The following NDRG4 variants were observed in gnomAD, a reference collection of about 807,000 sequenced individuals.
NDRG4 encodes NDRG family member 4.
NDRG4 carries 38 observed loss-of-function variants against 55.8 expected under a neutral mutation model. The observed-to-expected ratio is 0.68, with a 90% CI of 0.53 to 0.89. NDRG4 has a LOEUF of 0.89. Among genes scored for constraint, NDRG4 ranks in the 40% least tolerant of loss-of-function variants. NDRG4 has a pLI of 0.00. For missense variants in NDRG4, 455 were observed against 468.6 expected (o/e 0.97, Z 0.27); for synonymous variants, 190 against 182.7 (o/e 1.04, Z -0.32).
At chr16:58,474,606 T>A (rs1209218978) in intron 1 of NDRG4, among the ~76,000 whole-genome samples, 1 of 152,180 alleles carries the variant, frequency 6.6e-6, no homozygotes, top group Non-Finnish European at 1.5e-5. Context: ...GTGAATTTAC[T>A]TAGGTTTGTT....
At chr16:58,471,771 G>A (rs929332782) in intron 1 of NDRG4, among the ~76,000 whole-genome samples, 1 of 152,192 alleles carries the variant, frequency 6.6e-6, no homozygotes, top group Non-Finnish European at 1.5e-5. Context: ...TCGGGCAGGT[G>A]CTGTGTGCCT....
intron 1 of NDRG4, chr16:58,500,821 G>A (rs2036983300): frequency 4.7e-6 from 2 of 425,982 alleles, no homozygotes; most frequent in East Asian, 3.6e-5. Flanking sequence ...GTGATGGGAA[G>A]GACAGGCGGC....
At chr16:58,486,713 ACACACACACACACAC>A (rs2035125500) in intron 1 of NDRG4, among the ~76,000 whole-genome samples, 1 of 111,816 alleles carries the variant, frequency 8.9e-6, no homozygotes, top group Non-Finnish European at 2.1e-5. Context: ...ACACACACAC[ACACACACACACACAC>A]ACACACACAC....
Position 58,507,987 on chromosome 16 carries a change from T to G in NDRG4, c.717T>G (p.Ala239=), listed in dbSNP as rs371652375. 3.8e-6 allele frequency: 6 copies of G among 1,577,464 alleles called. No homozygotes were observed. The African/African-American group carries it at 5.4e-5, about 14-fold the overall frequency. ...TGGTGGTTGGGGATAATGCACCCGC[T>G]GAGGACGGGGTGGTAAGTGAGGGGC... ...VMLVVGDNAP[A]EDGVVECNSK... is the part of the protein sequence containing the mutation. Residue 239 remains alanine, a synonymous_variant, in exon 10 of 15, where the codon GCT becomes GCG. Coordinates refer to ENST00000570248, the MANE Select transcript of NDRG4 (RefSeq NM_001242835.2).
intron 1 of NDRG4, among the ~76,000 whole-genome samples, chr16:58,479,774 T>G (rs1191812528): frequency 6.6e-6 from 1 of 152,228 alleles, no homozygotes; most frequent in East Asian, 1.9e-4. Context: ...TCTTGTCCCC[T>G]AGGAGTGTCT....
chr16:58,500,312 G>A (rs1413695408), intron 1 of NDRG4, 43 bp downstream of exon 1: 1 of 1,533,492 alleles, frequency 6.5e-7, no homozygotes, highest in Non-Finnish European at 8.7e-7. Flanking sequence ...CCGGGAGGAT[G>A]GTGCATCCTT....
chr16:58,510,523 T>G, intron 13 of NDRG4, 122 bp from the exon 14 acceptor site: 1 of 830,144 alleles, frequency 1.2e-6, no homozygotes, highest in Non-Finnish European at 2.0e-6. Context: ...AGCCTCTCTG[T>G]GCCTGTCCTT....
rs2031140283 is a variant in NDRG4 at position 58,464,321 on chromosome 16, C to G, written c.-24+524C>G. ...TGTGAGCTGCTCCTGCCGCTTCGCT[C>G]CGCGCTCTCCTGCCGCTCCGCTCCG... On this transcript the variant is annotated intron_variant, in intron 1 of 15. Transcript: ENST00000258187. The surrounding 1 kb of genome is among the most constrained non-coding windows in gnomAD (Gnocchi z 4.8). The G allele has an allele frequency of 1.0e-6, 1 of 989,272 alleles. No homozygotes were observed. 61.3% of individuals were successfully genotyped at this position (989,272 alleles called of 1,614,324 possible). A position where few individuals can be genotyped will look rare whatever the true frequency, so the allele number is the denominator to read the frequency against.
chr16:58,493,431 G>C lies in NDRG4; in HGVS notation c.73-1533G>C, dbSNP rs566086882. 1.4e-4 allele frequency among the ~76,000 whole-genome samples: 22 copies of C among 152,308 alleles called. 1 individual carries two copies. Among genetic ancestry groups the C allele is most frequent in the Non-Finnish European group, 2.8e-4 (19 of 68,040 alleles). On this transcript the variant is annotated intron_variant, in intron 2 of 15. Transcript: ENST00000258187. ...TTACAGGCATGTGCCACCACACCCA[G>C]CTAATTTTTGTATTTTTAGTAGAGA...
At chr16:58,510,371 T>A (rs1266810102) in intron 13 of NDRG4, among the ~76,000 whole-genome samples, 1 of 152,198 alleles carries the variant, frequency 6.6e-6, no homozygotes, top group African/African-American at 2.4e-5. Flanking sequence ...CCATTCTGTA[T>A]GCAGGAGACT....
chr16:58,501,343 A>G, intron 1 of NDRG4: 1 of 351,600 alleles, frequency 2.8e-6, no homozygotes, highest in Non-Finnish European at 5.1e-6. Flanking sequence ...TCCAGTGCTC[A>G]AGGTCACAGG....
intron 2 of NDRG4, chr16:58,487,904 C>T: frequency 2.2e-6 from 3 of 1,362,146 alleles, no homozygotes; most frequent in Non-Finnish European, 2.0e-6. Context: ...CACCTCGTGG[C>T]CAAGAGGGAG....
intron 1 of NDRG4, 118 bp downstream of exon 1, chr16:58,500,387 T>C: frequency 2.9e-6 from 4 of 1,363,022 alleles, no homozygotes; most frequent in Non-Finnish European, 3.0e-6. Flanking sequence ...GGCCTTCAAA[T>C]AGCCTCACCC....
At chr16:58,484,589 T>C (rs935772165) in intron 1 of NDRG4, among the ~76,000 whole-genome samples, 1 of 152,150 alleles carries the variant, frequency 6.6e-6, no homozygotes, top group Admixed American at 6.5e-5. Context: ...GCCCATTTGG[T>C]GTGTACAGCT....
chr16:58,491,631 T>C (rs2035800904), intron 2 of NDRG4, among the ~76,000 whole-genome samples: 1 of 151,728 alleles, frequency 6.6e-6, no homozygotes, highest in African/African-American at 2.4e-5. Context: ...CGGCTAATTT[T>C]GTATTTTTAG....
chr16:58,510,680 G>T lies in NDRG4; in HGVS notation c.901G>T (p.Ala301Ser), dbSNP rs765095249. The T allele has an allele frequency of 1.1e-5, 17 of 1,535,980 alleles. No homozygotes were observed. The South Asian group carries it at 2.0e-4, about 18-fold the overall frequency. Residue 301 changes from alanine (A) to serine (S), a missense_variant, in exon 14 of 15, where the codon GCA (alanine) becomes TCA (serine). By Grantham distance (99) the Ala-to-Ser change is moderately conservative. Transcript: ENST00000570248. ...GAAGGACCGAAGGCTGAGTGGAGGA[G>T]CAGGTAGCCCCACGGCCCTTCCCCT... ...YLKDRRLSGG[A>S]VPSASMTRLA...
chr16:58,477,682 GA>G (rs202141495), intron 1 of NDRG4, among the ~76,000 whole-genome samples: 22,686 of 127,322 alleles, frequency 0.18, 1,781 homozygotes, highest in South Asian at 0.21. Flanking sequence ...TCCTCAGCAG[GA>G]AAAAAAAAAA....
upstream of NDRG4, among the ~76,000 whole-genome samples, chr16:58,496,355 G>A (rs1195012891): frequency 6.6e-6 from 1 of 152,082 alleles, no homozygotes; most frequent in Non-Finnish European, 1.5e-5. Flanking sequence ...TTGGTAAAAG[G>A]CAGGTTGCAT....
In NDRG4 at chr16:58,511,608, G is replaced by A. The variant is rs1389877733; in HGVS notation, c.*32G>A. 8.1e-6 allele frequency: 13 copies of A among 1,612,666 alleles called. No individual in the cohort carries two copies. The highest frequency in any genetic ancestry group is 5.3e-5 in the African/African-American group (4 of 74,916). Reference sequence around the variant, plus strand: ...TGATCCCGCTGACGACGCCCACGTCGAGGCCCCACCGCCATCCTTGCGCCG... The same window carrying A: ...TGATCCCGCTGACGACGCCCACGTCAAGGCCCCACCGCCATCCTTGCGCCG... On this transcript the variant is annotated 3_prime_UTR_variant, in exon 15 of 15. Transcript: ENST00000570248.
Sources: gnomAD v4.1 joint callset for allele counts (sites outside exome capture counted in the v4.1 genomes callset) on GRCh38, gnomAD v4.1.1 for gene constraint, Gnocchi (gnomAD v3.1) non-coding constraint, MANE v1.5 for transcripts, NCBI Gene and HGNC (gene_info 2026-07-23, HGNC 2026-07-21) for gene names.